Variants in LRRC4C observed in about 807,000 individuals in gnomAD.
LRRC4C encodes leucine-rich repeat-containing protein 4C.
LRRC4C carries 5 observed loss-of-function variants against 33.6 expected under a neutral mutation model. That is an observed-to-expected ratio of 0.15 (90% CI 0.08 to 0.31). The LOEUF is 0.31. Among genes scored for constraint, LRRC4C ranks in the 10% least tolerant of loss-of-function variants. The pLI is 1.00. For missense variants in LRRC4C, 560 were observed against 796.7 expected, an observed-to-expected ratio of 0.70 and a Z score of 3.58; for synonymous variants, 329 against 302.0, an observed-to-expected ratio of 1.09 and a Z score of -0.93.
chr11:40,703,561 A>C (rs1465182460), intron 2 of LRRC4C, among the ~76,000 whole-genome samples: 1 of 152,100 alleles, frequency 6.6e-6, no homozygotes, highest in Non-Finnish European at 1.5e-5. Flanking sequence ...ACCCTATCTC[A>C]AAAGAGAGAG....
chr11:40,437,486 C>A (rs77471349), intron 3 of LRRC4C, among the ~76,000 whole-genome samples: 7,725 of 151,754 alleles, frequency 0.051, 447 homozygotes, highest in African/African-American at 0.14. Flanking sequence ...CTCTGCCCGC[C>A]ATGTTCCAGC....
rs191044741 is a variant in LRRC4C at position 41,200,883 on chromosome 11, C to G, written c.-496+258548G>C. On this transcript the variant is annotated intron_variant, in intron 1 of 6. Transcript: ENST00000528697. Reference sequence around the variant, plus strand: ...GAGAGAAGAATGTTGTAGAACTCAGCTGGGAAGTCAGTCCACTGAAGTGGG... The same window carrying G: ...GAGAGAAGAATGTTGTAGAACTCAGGTGGGAAGTCAGTCCACTGAAGTGGG... 1.3e-3 allele frequency among the ~76,000 whole-genome samples: 193 copies of G among 152,282 alleles called. 2 individuals carry two copies. The highest frequency in any genetic ancestry group is 4.5e-3 in the African/African-American group (187 of 41,562).
intron 5 of LRRC4C, among the ~76,000 whole-genome samples, chr11:40,153,278 G>T (rs1639966071): frequency 6.6e-6 from 1 of 152,126 alleles, no homozygotes. Context: ...TGGGACAAAA[G>T]AATCTGAACA....
chr11:40,591,797 C>G (rs1959071106), intron 3 of LRRC4C, among the ~76,000 whole-genome samples: 1 of 152,134 alleles, frequency 6.6e-6, no homozygotes, highest in Admixed American at 6.5e-5. Flanking sequence ...CTTGTAAATG[C>G]CTATATTAAG....
At chr11:40,637,150 T>G (rs1941800740) in intron 3 of LRRC4C, among the ~76,000 whole-genome samples, 1 of 152,214 alleles carries the variant, frequency 6.6e-6, no homozygotes. Flanking sequence ...AAAACCAAGT[T>G]TTATACCATC....
intron 3 of LRRC4C, among the ~76,000 whole-genome samples, chr11:40,524,834 G>C (rs563370455): frequency 3.3e-5 from 5 of 152,092 alleles, no homozygotes; most frequent in Non-Finnish European, 5.9e-5. Flanking sequence ...TTTGGAGCTC[G>C]CATAGGCATA....
intron 6 of LRRC4C, among the ~76,000 whole-genome samples, chr11:40,138,579 C>T (rs1857145961): frequency 1.3e-5 from 2 of 152,202 alleles, no homozygotes; most frequent in Non-Finnish European, 2.9e-5. Context: ...GCTTTACAGC[C>T]ACTCTGTGGT....
intron 3 of LRRC4C, among the ~76,000 whole-genome samples, chr11:40,585,119 A>T (rs1958661798): frequency 6.6e-6 from 1 of 152,122 alleles, no homozygotes; most frequent in Non-Finnish European, 1.5e-5. Context: ...TGCAGATAGG[A>T]CCATGCAATG....
At chr11:40,843,910 A>G (rs950851386) in intron 2 of LRRC4C, among the ~76,000 whole-genome samples, 2 of 152,322 alleles carry the variant, frequency 1.3e-5, no homozygotes, top group East Asian at 1.9e-4. Flanking sequence ...GGAGTTTTAT[A>G]TAAGGAGCTT....
intron 1 of LRRC4C, among the ~76,000 whole-genome samples, chr11:40,957,160 C>A (rs1316910582): frequency 6.6e-6 from 1 of 151,720 alleles, no homozygotes; most frequent in Non-Finnish European, 1.5e-5. Context: ...GAAACTGTAG[C>A]ATGTTTTATT....
chr11:40,540,718 G>A (rs555471153), intron 3 of LRRC4C, among the ~76,000 whole-genome samples: 11 of 152,050 alleles, frequency 7.2e-5, no homozygotes, highest in African/African-American at 2.7e-4. Context: ...CCCCACATTT[G>A]AGCTTCTATT....
At chr11:40,989,695 C>T (rs1853364037) in intron 1 of LRRC4C, among the ~76,000 whole-genome samples, 1 of 151,840 alleles carries the variant, frequency 6.6e-6, no homozygotes. Flanking sequence ...ATTTAATCTC[C>T]TCCCCCCAAA....
chr11:40,420,914 C>T (rs1271203238), intron 3 of LRRC4C, among the ~76,000 whole-genome samples: 1 of 152,164 alleles, frequency 6.6e-6, no homozygotes, highest in African/African-American at 2.4e-5. Context: ...TTTAACTCAC[C>T]ACCATTAACA....
intron 5 of LRRC4C, among the ~76,000 whole-genome samples, chr11:40,183,090 C>CA (rs1278971598): frequency 2.0e-5 from 3 of 151,992 alleles, no homozygotes; most frequent in Middle Eastern, 3.2e-3. Flanking sequence ...TTATAATTAC[C>CA]AAAAAATAAA....
At chr11:40,912,283 G>T (rs1249657764) in intron 2 of LRRC4C, among the ~76,000 whole-genome samples, 1 of 152,094 alleles carries the variant, frequency 6.6e-6, no homozygotes, top group African/African-American at 2.4e-5. Flanking sequence ...AAAATGTTAA[G>T]GGCAGCCAGA....
intron 3 of LRRC4C, among the ~76,000 whole-genome samples, chr11:40,587,507 A>T (rs12224468): frequency 0.28 from 37,838 of 136,884 alleles, 5,220 homozygotes; most frequent in Middle Eastern, 0.38. Context: ...AACTTCCAAC[A>T]CTATGTTGAA....
In LRRC4C at chr11:40,182,852, ATTATT is replaced by A. The variant is rs576050434; in HGVS notation, c.-95-42004_-95-42000del. Among the ~76,000 whole-genome samples, 320 of 152,306 alleles carry A rather than the reference ATTATT, an allele frequency of 2.1e-3. 3 individuals are homozygous for A. Among genetic ancestry groups the A allele is most frequent in the African/African-American group, 7.5e-3 (310 of 41,558 alleles). On this transcript the variant is annotated intron_variant, in intron 5 of 6. Transcript: ENST00000528697. ...AACATATACTGAACTCTTATCATGCATTATTTTAAGATCATTACACGTGTTAACTA... is the reference window on the plus strand; with the variant it reads ...AACATATACTGAACTCTTATCATGCATTAAGATCATTACACGTGTTAACTA...
At chr11:40,725,288 CGAGGTCAG>C (rs1947234520) in intron 2 of LRRC4C, among the ~76,000 whole-genome samples, 1 of 152,088 alleles carries the variant, frequency 6.6e-6, no homozygotes, top group African/African-American at 2.4e-5. Flanking sequence ...AGGTGGATCA[CGAGGTCAG>C]GAGATCGAGA....
intron 2 of LRRC4C, among the ~76,000 whole-genome samples, chr11:40,800,531 C>G (rs901970784): frequency 6.6e-6 from 1 of 152,160 alleles, no homozygotes; most frequent in Non-Finnish European, 1.5e-5. Flanking sequence ...ATTTTTCTAA[C>G]AGATGTTACC....
Sources: gnomAD v4.1 joint callset for allele counts (sites outside exome capture counted in the v4.1 genomes callset) on GRCh38, gnomAD v4.1.1 for gene constraint, MANE v1.5 for transcripts, NCBI Gene and HGNC (gene_info 2026-07-23, HGNC 2026-07-21) for gene names.